EYS: variants seen among roughly 807,000 people sequenced by gnomAD.
EYS encodes protein eyes shut homolog.
A neutral mutation model predicts 282.1 loss-of-function variants in EYS; 250 were observed. That is an observed-to-expected ratio of 0.89 (90% CI 0.80 to 0.98). The LOEUF (loss-of-function observed/expected upper bound fraction) is 0.98, where lower values mean the gene tolerates loss of function less well. Among genes scored for constraint, EYS ranks in the 50% least tolerant of loss-of-function variants. The pLI, the probability that EYS is intolerant of heterozygous loss-of-function variation, is 0.00. For missense variants in EYS, 4,016 were observed against 3,709.0 expected, an observed-to-expected ratio of 1.08 and a Z score of -2.15; for synonymous variants, 1,355 against 1,282.9, an observed-to-expected ratio of 1.06 and a Z score of -1.20.
intron 2 of EYS, among the ~76,000 whole-genome samples, chr6:65,522,050 T>G (rs747951977): frequency 6.6e-6 from 1 of 152,326 alleles, no homozygotes; most frequent in South Asian, 2.1e-4. Flanking sequence ...TAACATTTAT[T>G]ACAATTCTAT....
At chr6:64,476,722 A>G (rs1776278663) in intron 26 of EYS, among the ~76,000 whole-genome samples, 1 of 152,162 alleles carries the variant, frequency 6.6e-6, no homozygotes, top group African/African-American at 2.4e-5. Flanking sequence ...TCCTTCAAAG[A>G]TATTTAAATA....
chr6:64,028,126 C>T (rs1275403742), intron 33 of EYS, among the ~76,000 whole-genome samples: 50 of 152,148 alleles, frequency 3.3e-4, no homozygotes, highest in Admixed American at 3.3e-3. Flanking sequence ...AAGGCTGGAG[C>T]TATTGTCTAC....
chr6:64,353,910 C>T (rs1157349561), intron 29 of EYS, among the ~76,000 whole-genome samples: 1 of 151,372 alleles, frequency 6.6e-6, no homozygotes, highest in African/African-American at 2.4e-5. Context: ...GCTGGGGCTG[C>T]CAGAAAATAT....
At chr6:65,667,640 T>C (rs1768245874) in intron 1 of EYS, among the ~76,000 whole-genome samples, 1 of 151,896 alleles carries the variant, frequency 6.6e-6, no homozygotes, top group Non-Finnish European at 1.5e-5. Context: ...TTGTAGCATA[T>C]TAACATGATT....
At chr6:65,600,782 G>C (rs1562281075) in intron 2 of EYS, among the ~76,000 whole-genome samples, 1 of 151,340 alleles carries the variant, frequency 6.6e-6, no homozygotes. Flanking sequence ...CTTTGACAAA[G>C]ATATATATAG....
intron 23 of EYS, among the ~76,000 whole-genome samples, chr6:64,622,535 T>G (rs191545935): frequency 9.9e-5 from 15 of 152,276 alleles, no homozygotes; most frequent in Admixed American, 9.2e-4. Flanking sequence ...GTTGCAGGAT[T>G]CACACAGCTC....
intron 36 of EYS, among the ~76,000 whole-genome samples, chr6:63,834,517 C>G (rs953982135): frequency 6.6e-5 from 10 of 152,012 alleles, no homozygotes; most frequent in Middle Eastern, 3.4e-3. Context: ...CATCTCACAC[C>G]AGTTAGAATG....
At chr6:64,839,187 T>G (rs1238477939) in intron 19 of EYS, among the ~76,000 whole-genome samples, 1 of 152,070 alleles carries the variant, frequency 6.6e-6, no homozygotes, top group Non-Finnish European at 1.5e-5. Flanking sequence ...AATTTTTGCT[T>G]GAGCAGTTCA....
chr6:65,158,127 T>G lies in EYS; in HGVS notation c.2024-100400A>C, dbSNP rs1200696145. 9.9e-5 allele frequency among the ~76,000 whole-genome samples: 15 copies of G among 150,874 alleles called. No individual in the cohort carries two copies. The Admixed American group carries it at 1.0e-3, about 10-fold the overall frequency. ...CACAATATACATCAAATATTCTCATTCTGTAGTATTTAAAATAAGCAGTTG... is the reference window on the plus strand; with the variant it reads ...CACAATATACATCAAATATTCTCATGCTGTAGTATTTAAAATAAGCAGTTG... On this transcript the variant is annotated intron_variant, in intron 12 of 42. Transcript: ENST00000503581.
intron 19 of EYS, among the ~76,000 whole-genome samples, chr6:64,842,258 G>A (rs937007075): frequency 1.3e-5 from 2 of 151,378 alleles, no homozygotes; most frequent in Non-Finnish European, 2.9e-5. Flanking sequence ...AAAAACAAAA[G>A]AGATTGATCT....
intron 13 of EYS, among the ~76,000 whole-genome samples, chr6:65,014,570 A>G (rs989459366): frequency 6.6e-6 from 1 of 152,176 alleles, no homozygotes; most frequent in Admixed American, 6.5e-5. Flanking sequence ...AGAGTTTTCT[A>G]GAAGGATGAG....
chr6:64,753,576 T>C (rs1562172286), intron 22 of EYS, among the ~76,000 whole-genome samples: 1 of 148,584 alleles, frequency 6.7e-6, no homozygotes, highest in Non-Finnish European at 1.5e-5. Flanking sequence ...AAAACAATTG[T>C]AAATATATAT....
At chr6:64,296,592 ATATATATT>A (rs1769029350) in intron 30 of EYS, among the ~76,000 whole-genome samples, 7 of 4,506 alleles carry the variant, frequency 1.6e-3, no homozygotes, top group South Asian at 0.011. Context: ...ATACATATAT[ATATATATT>A]TTTTTTTTTT....
At chr6:65,150,785 A>T (rs1168534752) in intron 12 of EYS, among the ~76,000 whole-genome samples, 5 of 151,990 alleles carry the variant, frequency 3.3e-5, no homozygotes, top group African/African-American at 2.4e-5. Context: ...ATTTTAAAAA[A>T]TTTTGATTTT....
intron 24 of EYS, among the ~76,000 whole-genome samples, chr6:64,595,505 T>C (rs1766557110): frequency 6.6e-6 from 1 of 152,142 alleles, no homozygotes. Context: ...CTGACCCTCT[T>C]TGCAGAAGAC....
chr6:64,348,583 A>T (rs916678352), intron 29 of EYS, among the ~76,000 whole-genome samples: 28 of 151,470 alleles, frequency 1.8e-4, no homozygotes, highest in Non-Finnish European at 1.5e-5. Flanking sequence ...CACAACTCTA[A>T]CTGAGCAATT....
intron 35 of EYS, among the ~76,000 whole-genome samples, chr6:63,972,537 T>A (rs1766626344): frequency 6.6e-6 from 1 of 152,182 alleles, no homozygotes; most frequent in Non-Finnish European, 1.5e-5. Context: ...TTTAGAGAAC[T>A]AATCTTTTTT....
At chr6:65,405,148 C>T in intron 6 of EYS, 26 bp downstream of exon 6, 1 of 1,558,256 alleles carries the variant, frequency 6.4e-7, no homozygotes, top group Non-Finnish European at 8.8e-7. Context: ...TAAAACCACT[C>T]ACTTATATGT....
chr6:64,761,145 T>C (rs1773143359), intron 22 of EYS, among the ~76,000 whole-genome samples: 1 of 152,158 alleles, frequency 6.6e-6, no homozygotes, highest in Admixed American at 6.5e-5. Flanking sequence ...CTTAAAGCCA[T>C]TGCAATATTC....
Sources: allele counts gnomAD v4.1 joint callset (sites outside exome capture counted in the v4.1 genomes callset), GRCh38; gene constraint gnomAD v4.1.1; transcripts MANE v1.5; gene names NCBI Gene and HGNC (gene_info 2026-07-23, HGNC 2026-07-21).